The following WDR59 variants were observed in gnomAD, a reference collection of about 807,000 sequenced individuals.
WDR59 encodes the protein WD repeat domain 59, also known as GATOR2 complex protein WDR59.
WDR59 carries 100 observed loss-of-function variants against 131.2 expected under a neutral mutation model. That is an observed-to-expected ratio of 0.76 (90% CI 0.65 to 0.90). The LOEUF (loss-of-function observed/expected upper bound fraction) is 0.90, where lower values mean the gene tolerates loss of function less well. WDR59 is among the 40% of genes least tolerant of loss of function. The pLI is 0.00. For missense variants in WDR59, 1,203 were observed against 1,262.2 expected, an observed-to-expected ratio of 0.95 and a Z score of 0.71; for synonymous variants, 601 against 466.2, an observed-to-expected ratio of 1.29 and a Z score of -3.72.
chr16:74,874,439 C>T lies in WDR59; in HGVS notation c.2695G>A (p.Gly899Ser), dbSNP rs753117254. 9.3e-6 allele frequency: 15 copies of T among 1,613,668 alleles called. No individual in the cohort carries two copies. The highest frequency in any genetic ancestry group is 2.2e-5 in the East Asian group (1 of 44,880). ...CTCCGGCAGTGGCTGCAGTACACGC[C>T]GAACTCTGGAAATGGGCAGGGACGG... Reference protein sequence around the residue: ...PPDPHKGIEFGVYCSHCRSEV... With the variant: ...PPDPHKGIEFSVYCSHCRSEV... The change falls in exon 26 of 26, where the codon GGC becomes AGC. Residue 899 changes from glycine to serine, a missense_variant. Coordinates refer to ENST00000262144, the MANE Select transcript of WDR59 (RefSeq NM_030581.4).
intron 17 of WDR59, among the ~76,000 whole-genome samples, chr16:74,905,872 A>G (rs950914265): frequency 2.6e-5 from 4 of 152,130 alleles, no homozygotes; most frequent in East Asian, 1.9e-4. Context: ...ACCAAAATAG[A>G]TAACAACCAG....
chr16:74,945,978 C>T (rs2032607873), intron 6 of WDR59, among the ~76,000 whole-genome samples: 1 of 152,058 alleles, frequency 6.6e-6, no homozygotes, highest in African/African-American at 2.4e-5. Flanking sequence ...CCACCACGCC[C>T]GGCTAATTTT....
Position 74,897,671 on chromosome 16 carries a change from C to T in WDR59, c.1867-3859G>A, listed in dbSNP as rs1027181637. On this transcript the variant is annotated intron_variant, in intron 18 of 25. Transcript: ENST00000262144. ...TAAGGGAGGTTCCCCAACAAAGGAT[C>T]ACCCTAATTAGAGTTGCTACCGGAA... 3.3e-5 allele frequency among the ~76,000 whole-genome samples: 5 copies of T among 152,188 alleles called. No homozygotes were observed. In the East Asian group the frequency reaches 7.7e-4, roughly 23 times the overall value.
chr16:74,921,453 C>T (rs2030217341), intron 10 of WDR59, among the ~76,000 whole-genome samples: 1 of 152,162 alleles, frequency 6.6e-6, no homozygotes, highest in Admixed American at 6.5e-5. Flanking sequence ...AACTACCGGT[C>T]AACCCCTCCC....
Position 74,909,598 on chromosome 16 carries a change from G to C in WDR59, c.1545C>G (p.Pro515=), listed in dbSNP as rs758724216. 7 of 1,608,792 alleles carry C rather than the reference G, an allele frequency of 4.4e-6. No homozygotes were observed. The highest frequency in any genetic ancestry group is 1.7e-5 in the Admixed American group (1 of 59,026). The change falls in exon 16 of 26, where the codon CCC becomes CCG. Residue 515 remains proline (P), a synonymous_variant. Transcript: ENST00000262144. ...TGGTCACCCGCGCAAACGTCGGTAA[G>C]GGGGGAGTGACAGAGTTGGGGAGTG... is the stretch of plus-strand genomic sequence containing the variant. The part of the protein sequence containing the change: ...PFALPNSVTP[P]LPTFARVTTA...
At chr16:74,969,697 G>A (rs2033907548) in intron 1 of WDR59, among the ~76,000 whole-genome samples, 1 of 151,588 alleles carries the variant, frequency 6.6e-6, no homozygotes, top group Admixed American at 6.6e-5. Context: ...AGCCTCCCAA[G>A]TACTGAGATT....
intron 17 of WDR59, among the ~76,000 whole-genome samples, chr16:74,904,840 A>T (rs1965721620): frequency 6.6e-6 from 1 of 152,224 alleles, no homozygotes; most frequent in African/African-American, 2.4e-5. Context: ...GAGAGTCCAG[A>T]AAGACCACAA....
chr16:74,889,828 AAG>A lies in WDR59; in HGVS notation c.2083-15_2083-14del, dbSNP rs781329060. On this transcript the variant is annotated splice_polypyrimidine_tract_variant and intron_variant, in intron 20 of 25. Transcript: ENST00000262144. Reference sequence around the variant, plus strand: ...CCAGCGACCAAACCTGGACAGATCAAAGAGAAATACAAACTCAAACTGGCAAG... The same window carrying A: ...CCAGCGACCAAACCTGGACAGATCAAAGAAATACAAACTCAAACTGGCAAG... The A allele has an allele frequency of 6.9e-6, 11 of 1,597,270 alleles. No individual in the cohort carries two copies. Among genetic ancestry groups the A allele is most frequent in the Non-Finnish European group, 8.5e-6 (10 of 1,171,010 alleles).
Position 74,935,978 on chromosome 16 carries a change from C to A in WDR59, c.651+2172G>T, listed in dbSNP as rs571977425. On this transcript the variant is annotated intron_variant, in intron 8 of 25. Coordinates refer to ENST00000262144, the MANE Select transcript of WDR59 (RefSeq NM_030581.4). ...CGCCACTGCACTCCAACCCGGGTGA[C>A]AGAGCAAGACTCCACCTCAAAAAAA... Among the ~76,000 whole-genome samples the A allele has an allele frequency of 8.8e-5, 13 of 147,926 alleles. No homozygotes were observed. The South Asian group carries it at 2.8e-3, about 32-fold the overall frequency.
intron 25 of WDR59, among the ~76,000 whole-genome samples, chr16:74,883,264 C>T (rs1057125887): frequency 2.0e-5 from 3 of 151,980 alleles, no homozygotes; most frequent in African/African-American, 7.3e-5. Flanking sequence ...ACCTCATGAT[C>T]CATCCACCTC....
Position 74,903,969 on chromosome 16 carries a change from C to T in WDR59, c.1844G>A (p.Ser615Asn), listed in dbSNP as rs1965680221. 1 of 1,609,184 alleles carries T rather than the reference C, an allele frequency of 6.2e-7. No homozygotes were observed. Among genetic ancestry groups the T allele is most frequent in the African/African-American group, 1.3e-5 (1 of 74,836 alleles). The change falls in exon 18 of 26, where the codon AGC becomes AAC. Residue 615 changes from serine to asparagine, a missense_variant. Physicochemically the swap from Ser to Asn is conservative, Grantham distance 46. Coordinates refer to ENST00000262144, the MANE Select transcript of WDR59 (RefSeq NM_030581.4). ...TRSEKEQVSI[S>N]SFYYKERKSR... Reference sequence around the variant, plus strand: ...TACCCGCTCCTTGTAGTAGAAGGAGCTGATGGAGACCTGCTCTTTCTCGCT... The same window carrying T: ...TACCCGCTCCTTGTAGTAGAAGGAGTTGATGGAGACCTGCTCTTTCTCGCT...
chr16:74,962,851 T>C (rs948729293), intron 2 of WDR59: 2 of 151,890 alleles, frequency 1.3e-5, no homozygotes, highest in African/African-American at 2.4e-5. Flanking sequence ...CTTTCAATAC[T>C]ATGTTGAGTA....
intron 1 of WDR59, among the ~76,000 whole-genome samples, chr16:74,981,649 T>TATAC (rs2034425592): frequency 1.8e-4 from 1 of 5,610 alleles, no homozygotes; most frequent in East Asian, 9.8e-3. Context: ...TATATATATA[T>TATAC]ATATATATAT....
intron 10 of WDR59, 22 bp from the exon 11 acceptor site, chr16:74,918,030 TC>T: frequency 6.2e-7 from 1 of 1,609,740 alleles, no homozygotes; most frequent in East Asian, 2.2e-5. Context: ...CAAATAAGAA[TC>T]CTGGAAATTC....
intron 1 of WDR59, among the ~76,000 whole-genome samples, chr16:74,981,639 T>C (rs1247806337): frequency 9.8e-5 from 4 of 40,896 alleles, no homozygotes; most frequent in African/African-American, 5.1e-4. Flanking sequence ...TATATATATA[T>C]ATATATATAT....
chr16:74,981,643 TATATATATATATATATA>T (rs1364685941), intron 1 of WDR59, among the ~76,000 whole-genome samples: 774 of 22,496 alleles, frequency 0.034, 84 homozygotes, highest in African/African-American at 0.11. Flanking sequence ...TATATATATA[TATATATATATATATATA>T]TTTTTTTTTT....
chr16:74,943,388 C>A (rs117274901), intron 6 of WDR59, among the ~76,000 whole-genome samples: 3 of 152,074 alleles, frequency 2.0e-5, no homozygotes, highest in African/African-American at 4.8e-5. Context: ...CTATGTCAGC[C>A]GTGGCCACTG....
chr16:74,899,901 A>C, intron 18 of WDR59: 1 of 579,070 alleles, frequency 1.7e-6, no homozygotes, highest in South Asian at 1.9e-5. Flanking sequence ...GATGGGAACG[A>C]CTAAAAAATC....
chr16:74,915,161 C>A (rs1414982992), intron 13 of WDR59, among the ~76,000 whole-genome samples: 1 of 152,212 alleles, frequency 6.6e-6, no homozygotes, highest in Non-Finnish European at 1.5e-5. Context: ...CACAGCACAG[C>A]ACAGCACAGA....
Sources: allele counts gnomAD v4.1 joint callset (sites outside exome capture counted in the v4.1 genomes callset), GRCh38; gene constraint gnomAD v4.1.1; transcripts MANE v1.5; gene names NCBI Gene and HGNC (gene_info 2026-07-23, HGNC 2026-07-21).